Variants in CPZ observed in about 807,000 individuals in gnomAD.
CPZ encodes the protein carboxypeptidase Z.
Under a neutral mutation model 61.8 loss-of-function variants are expected in CPZ, and 103 were observed. The observed-to-expected ratio is 1.67, with a 90% CI of 1.42 to 1.96. The LOEUF (loss-of-function observed/expected upper bound fraction) is 1.96, where lower values mean the gene tolerates loss of function less well. CPZ is among the 30% of genes most tolerant of loss of function. The pLI is 0.00. For synonymous variants in CPZ, 551 were observed against 373.7 expected (o/e 1.47, Z -5.47); for missense variants, 1,461 against 914.9 (o/e 1.60, Z -7.70).
In CPZ at chr4:8,598,691, C is replaced by T. The variant is rs970645951; in HGVS notation, c.89-762C>T. On this transcript the variant is annotated intron_variant, in intron 1 of 10. Coordinates refer to ENST00000360986, the MANE Select transcript of CPZ (RefSeq NM_001014447.3). ...GGGTTCCCCGCCTTGGATGCGTTCT[C>T]GCTGCCTGATGCACACAGAGCCTTG... 9.2e-5 allele frequency among the ~76,000 whole-genome samples: 14 copies of T among 152,252 alleles called. No homozygotes were observed. In the East Asian group the frequency reaches 1.2e-3, roughly 13 times the overall value.
intron 7 of CPZ, among the ~76,000 whole-genome samples, chr4:8,610,200 C>G (rs186271404): frequency 6.6e-5 from 10 of 152,208 alleles, no homozygotes; most frequent in African/African-American, 1.9e-4. Context: ...CCCAGCTTCC[C>G]TGCTCCCGCC....
intron 1 of CPZ, 116 bp from the exon 2 acceptor site, chr4:8,599,337 T>C: frequency 8.1e-7 from 1 of 1,228,114 alleles, no homozygotes; most frequent in Middle Eastern, 2.9e-4. Flanking sequence ...GAGATGGAGC[T>C]GGCGGAGGGT....
chr4:8,618,638 G>A, intron 10 of CPZ, 110 bp downstream of exon 10: 1 of 1,025,658 alleles, frequency 9.7e-7, no homozygotes, highest in Non-Finnish European at 1.4e-6. Flanking sequence ...TCAGCAGGAT[G>A]GCTCCATTCC....
chr4:8,607,987 G>A lies in CPZ; in HGVS notation c.1227+562G>A, dbSNP rs994339160. ...TACTGTTCGTAGAGCAGCGGGCGAT[G>A]AGACCCGTGATGATGCTGGGACCCT... On this transcript the variant is annotated intron_variant, in intron 7 of 10. Transcript: ENST00000360986. Among the ~76,000 whole-genome samples the A allele has an allele frequency of 6.4e-4, 98 of 152,302 alleles. 1 individual carries two copies. Among genetic ancestry groups the A allele is most frequent in the Non-Finnish European group, 7.2e-4 (49 of 68,010 alleles).
chr4:8,618,668 G>C (rs113855221), intron 10 of CPZ, 140 bp downstream of exon 10: 1 of 763,982 alleles, frequency 1.3e-6, no homozygotes, highest in Non-Finnish European at 2.1e-6. Flanking sequence ...TGGCTGGGTC[G>C]GGGAGGGTGG....
At chr4:8,614,166 G>C (rs1469209532) in intron 8 of CPZ, among the ~76,000 whole-genome samples, 193 bp from the exon 9 acceptor site, 1 of 152,228 alleles carries the variant, frequency 6.6e-6, no homozygotes, top group African/African-American at 2.4e-5. Flanking sequence ...AGCTGCAGGA[G>C]GGGCGTCTGT....
Position 8,612,180 on chromosome 4 carries a change from C to A in CPZ, c.1363+18C>A. ...CACGGGAGGTGCGGCTTCCGCAGGG[C>A]GGGACTGGGCGGGGGGTGGGGGGTG... On this transcript the variant is annotated intron_variant, in intron 8 of 10. Transcript: ENST00000360986. 3 of 283,674 alleles carry A rather than the reference C, an allele frequency of 1.1e-5. No individual in the cohort carries two copies. Among genetic ancestry groups the A allele is most frequent in the Non-Finnish European group, 1.3e-5 (3 of 230,094 alleles). The allele number at this position is 283,674 out of a possible 1,614,324, so 17.6% of individuals were successfully genotyped here.
chr4:8,619,252 T>A lies in CPZ; in HGVS notation c.1604-10T>A, dbSNP rs1716473009. The A allele has an allele frequency of 1.3e-6, 2 of 1,597,212 alleles. No individual in the cohort carries two copies. The highest frequency in any genetic ancestry group is 2.7e-5 in the African/African-American group (2 of 74,152). On this transcript the variant is annotated splice_polypyrimidine_tract_variant and intron_variant, in intron 10 of 10. Transcript: ENST00000360986. Reference sequence around the variant, plus strand: ...CTCGTGAGAATCATTTTTAATCTATTTGTCCACAGCCCCAGATGGTGACTA... The same window carrying A: ...CTCGTGAGAATCATTTTTAATCTATATGTCCACAGCCCCAGATGGTGACTA...
At chr4:8,613,125 C>T (rs1343612067) in intron 8 of CPZ, among the ~76,000 whole-genome samples, 1 of 149,088 alleles carries the variant, frequency 6.7e-6, no homozygotes, top group Non-Finnish European at 1.5e-5. Context: ...AGAGGCCCCT[C>T]TCTGTTCCTT....
At chr4:8,599,714 C>A in intron 2 of CPZ, 1 of 1,135,818 alleles carries the variant, frequency 8.8e-7, no homozygotes, top group South Asian at 1.6e-5. Context: ...TATGCCCACC[C>A]CAGCCCCTGC....
At chr4:8,611,337 A>T (rs1483659484) in intron 7 of CPZ, 15 of 449,052 alleles carry the variant, frequency 3.3e-5, no homozygotes, top group African/African-American at 6.0e-5. Context: ...TGCCTGGGGG[A>T]TGGGCACAAT....
intron 9 of CPZ, among the ~76,000 whole-genome samples, chr4:8,615,127 G>A (rs1045331946): frequency 5.3e-5 from 8 of 152,100 alleles, no homozygotes; most frequent in Non-Finnish European, 1.2e-4. Context: ...GGCAGAGGCT[G>A]GGGGCGGGGC....
Position 8,606,719 on chromosome 4 carries a change from G to C in CPZ, c.907-18G>C. ...GGTGTGCTGACCCCACCCAGTCGGGGGTTGGCCATGTTTTCAGGGTGCCGG... is the reference window on the plus strand; with the variant it reads ...GGTGTGCTGACCCCACCCAGTCGGGCGTTGGCCATGTTTTCAGGGTGCCGG... On this transcript the variant is annotated intron_variant, in intron 5 of 10. Coordinates refer to ENST00000360986, the MANE Select transcript of CPZ (RefSeq NM_001014447.3). 1 of 1,614,024 alleles carries C rather than the reference G, an allele frequency of 6.2e-7. No individual in the cohort carries two copies. The highest frequency in any genetic ancestry group is 1.1e-5 in the South Asian group (1 of 91,082).
At chr4:8,604,871 G>A (rs564797891) in intron 4 of CPZ, among the ~76,000 whole-genome samples, 49 of 152,344 alleles carry the variant, frequency 3.2e-4, no homozygotes, top group African/African-American at 1.1e-3. Context: ...GCCTCAGCCA[G>A]TCTTCATCCT....
At chr4:8,597,977 C>T (rs1714304513) in intron 1 of CPZ, among the ~76,000 whole-genome samples, 1 of 152,216 alleles carries the variant, frequency 6.6e-6, no homozygotes, top group Non-Finnish European at 1.5e-5. Context: ...CTGCCTTCCA[C>T]AGCCCTTGTG....
chr4:8,597,140 G>A (rs9790467), intron 1 of CPZ, among the ~76,000 whole-genome samples: 2,057 of 152,192 alleles, frequency 0.014, 48 homozygotes, highest in African/African-American at 0.047. Flanking sequence ...TGAGACCACG[G>A]GTCAGCTGAG....
intron 9 of CPZ, 105 bp from the exon 10 acceptor site, chr4:8,618,324 C>A (rs1397952731): frequency 3.7e-6 from 4 of 1,084,592 alleles, no homozygotes; most frequent in Non-Finnish European, 5.5e-6. Flanking sequence ...GGGTAGTTCC[C>A]CCTAGATACC....
chr4:8,599,426 C>T (rs1714410273), intron 1 of CPZ, 27 bp from the exon 2 acceptor site: 2 of 1,597,566 alleles, frequency 1.3e-6, no homozygotes, highest in African/African-American at 1.3e-5. Flanking sequence ...AGGCAGGTCC[C>T]TAACAGTGCC....
At chr4:8,607,720 C>A (rs1264008168) in intron 7 of CPZ, among the ~76,000 whole-genome samples, 3 of 152,188 alleles carry the variant, frequency 2.0e-5, no homozygotes, top group Non-Finnish European at 4.4e-5. Context: ...CGCTGCTGTT[C>A]CTTTGAGCTC....
Sources: allele counts gnomAD v4.1 joint callset (sites outside exome capture counted in the v4.1 genomes callset), GRCh38; gene constraint gnomAD v4.1.1; transcripts MANE v1.5; gene names NCBI Gene and HGNC (gene_info 2026-07-23, HGNC 2026-07-21).